The following CPS1 variants were observed in gnomAD, a reference collection of about 807,000 sequenced individuals.
CPS1 encodes carbamoyl-phosphate synthase [ammonia], mitochondrial.
Under a neutral mutation model 174.6 loss-of-function variants are expected in CPS1, and 109 were observed. The ratio of observed to expected loss-of-function variants is 0.62; its 90% CI spans 0.53 to 0.73. The LOEUF is 0.73. Among genes scored for constraint, CPS1 ranks in the 30% least tolerant of loss-of-function variants. The pLI, the probability that CPS1 is intolerant of heterozygous loss-of-function variation, is 0.00. For synonymous variants in CPS1, 637 were observed against 632.0 expected (o/e 1.01, Z -0.12); for missense variants, 1,689 against 1,821.9 (o/e 0.93, Z 1.33).
At chr2:210,554,161 A>G (rs527851373), upstream of CPS1, among the ~76,000 whole-genome samples, 28 of 130,414 alleles carry the variant, frequency 2.1e-4, 1 homozygote, top group Admixed American at 2.0e-3. Flanking sequence ...ATACACACAC[A>G]TATACATATG....
Position 210,599,416 on chromosome 2 carries a change from A to G in CPS1, c.1404A>G (p.Ser468=). Residue 468 remains serine (S), a synonymous_variant, in exon 14 of 38, where the codon TCA becomes TCG. Transcript: ENST00000233072. ...TTCTGATGAACCCAAACATTGCATC[A>G]GTCCAGACCAATGAGGTGGGCTTAA... ...KTVLMNPNIA[S]VQTNEVGLKQ... The G allele has an allele frequency of 1.2e-6, 2 of 1,612,542 alleles. No homozygotes were observed. The highest frequency in any genetic ancestry group is 1.7e-6 in the Non-Finnish European group (2 of 1,178,992).
At chr2:210,582,564 C>T in intron 5 of CPS1, 53 bp from the exon 6 acceptor site, 1 of 1,361,198 alleles carries the variant, frequency 7.3e-7, no homozygotes, top group Admixed American at 1.7e-5. Flanking sequence ...TTTATCTTGT[C>T]AACACCTTTA....
At chr2:210,567,700 A>T (rs1358171723) in intron 1 of CPS1, among the ~76,000 whole-genome samples, 1 of 152,130 alleles carries the variant, frequency 6.6e-6, no homozygotes, top group African/African-American at 2.4e-5. Context: ...TCTTCTTCTG[A>T]AGGCATTACT....
chr2:210,633,196 C>T (rs914729766), intron 21 of CPS1, among the ~76,000 whole-genome samples: 1 of 152,028 alleles, frequency 6.6e-6, no homozygotes, highest in African/African-American at 2.4e-5. Flanking sequence ...ATTATGAAAA[C>T]TCTCTGGTGT....
chr2:210,662,510 A>T (rs1700957907), intron 32 of CPS1, among the ~76,000 whole-genome samples: 1 of 152,200 alleles, frequency 6.6e-6, no homozygotes, highest in South Asian at 2.1e-4. Flanking sequence ...GAGAAACAAG[A>T]ACTTAGTTTT....
intron 21 of CPS1, among the ~76,000 whole-genome samples, chr2:210,628,584 A>G (rs1383954286): frequency 1.3e-5 from 2 of 152,188 alleles, no homozygotes; most frequent in Admixed American, 6.5e-5. Context: ...GGCAGATCAC[A>G]AGGTCAGGAG....
chr2:210,530,711 G>A (rs568927115), intron 1 of CPS1, among the ~76,000 whole-genome samples: 3 of 152,102 alleles, frequency 2.0e-5, no homozygotes, highest in Non-Finnish European at 2.9e-5. Flanking sequence ...CTGCAGCATC[G>A]TAAATACTGC....
At chr2:210,556,255 C>T (rs1696908896), upstream of CPS1, 4 of 434,882 alleles carry the variant, frequency 9.2e-6, no homozygotes, top group South Asian at 6.6e-5. Flanking sequence ...GGCAAGCGTT[C>T]AGCTTTCTTT....
intron 1 of CPS1, among the ~76,000 whole-genome samples, chr2:210,497,889 CATACATAT>C (rs1216759574): frequency 4.1e-4 from 26 of 63,102 alleles, no homozygotes; most frequent in Non-Finnish European, 5.1e-4. Context: ...ACAATATATA[CATACATAT>C]ATATATATAT....
At chr2:210,573,445 G>C in intron 2 of CPS1, 38 bp downstream of exon 2, 1 of 1,440,906 alleles carries the variant, frequency 6.9e-7, no homozygotes, top group Non-Finnish European at 9.8e-7. Context: ...TTTTCCTCTA[G>C]TAGAGAAATA....
Position 210,678,390 on chromosome 2 carries a change from A to G in CPS1, c.*405A>G, listed in dbSNP as rs1559142953. 7.4e-6 allele frequency: 2 copies of G among 270,600 alleles called. No individual in the cohort carries two copies. The highest frequency in any genetic ancestry group is 1.4e-5 in the Non-Finnish European group (2 of 139,274). The allele number at this position is 270,600 out of a possible 1,614,324, so 16.8% of individuals were successfully genotyped here. A position where few individuals can be genotyped will look rare whatever the true frequency, so the allele number is the denominator to read the frequency against. On this transcript the variant is annotated 3_prime_UTR_variant, in exon 38 of 38. Coordinates refer to ENST00000233072, the MANE Select transcript of CPS1 (RefSeq NM_001875.5). Reference sequence around the variant, plus strand: ...CTATCTGCAAACTCAGGACACTTTAACAGGGCAGAATACTCTAAAAACTTG... The same window carrying G: ...CTATCTGCAAACTCAGGACACTTTAGCAGGGCAGAATACTCTAAAAACTTG...
chr2:210,490,291 T>A (rs367900515), intron 1 of CPS1, among the ~76,000 whole-genome samples: 6 of 152,290 alleles, frequency 3.9e-5, no homozygotes, highest in African/African-American at 1.4e-4. Context: ...CTACAAATTG[T>A]CTCTAATAGA....
chr2:210,562,710 C>A (rs941730182), intron 1 of CPS1, among the ~76,000 whole-genome samples: 1 of 152,000 alleles, frequency 6.6e-6, no homozygotes, highest in Admixed American at 6.6e-5. Context: ...TAGCCTTAGG[C>A]CTTGGTGAAA....
chr2:210,515,974 G>A (rs901714049), intron 1 of CPS1, among the ~76,000 whole-genome samples: 7 of 151,792 alleles, frequency 4.6e-5, no homozygotes, highest in African/African-American at 1.4e-4. Context: ...AGTCATTTAG[G>A]AGGAGCAGGG....
intron 1 of CPS1, among the ~76,000 whole-genome samples, chr2:210,532,735 A>T (rs1171943403): frequency 2.6e-5 from 4 of 152,180 alleles, no homozygotes; most frequent in African/African-American, 9.6e-5. Flanking sequence ...ATATGTGTTT[A>T]CCAGTGAGTT....
intron 21 of CPS1, among the ~76,000 whole-genome samples, chr2:210,621,989 C>CA (rs1699544364): frequency 1.3e-5 from 2 of 151,900 alleles, no homozygotes; most frequent in Admixed American, 1.3e-4. Flanking sequence ...CTGAGAGATT[C>CA]AGCAGTTTCC....
intron 21 of CPS1, among the ~76,000 whole-genome samples, chr2:210,628,055 T>C (rs1439345273): frequency 6.6e-6 from 1 of 152,196 alleles, no homozygotes; most frequent in Non-Finnish European, 1.5e-5. Context: ...CTATCTAAGG[T>C]TGAAGTAGGT....
chr2:210,651,230 C>G (rs1488126979), intron 28 of CPS1, among the ~76,000 whole-genome samples: 1 of 151,822 alleles, frequency 6.6e-6, no homozygotes, highest in Non-Finnish European at 1.5e-5. Context: ...AGAGTGAAAT[C>G]AGGAGCATTT....
At chr2:210,516,483 C>T (rs1303896243) in intron 1 of CPS1, among the ~76,000 whole-genome samples, 1 of 151,862 alleles carries the variant, frequency 6.6e-6, no homozygotes, top group East Asian at 1.9e-4. Context: ...ATGTTATTGT[C>T]TTTCTGTCTC....
Sources: allele counts gnomAD v4.1 joint callset (sites outside exome capture counted in the v4.1 genomes callset), GRCh38; gene constraint gnomAD v4.1.1; transcripts MANE v1.5; gene names NCBI Gene and HGNC (gene_info 2026-07-23, HGNC 2026-07-21).